SWT1: variants seen among roughly 807,000 people sequenced by gnomAD.
SWT1 encodes the protein SWT1 RNA endoribonuclease homolog.
Under a neutral mutation model 107.3 loss-of-function variants are expected in SWT1, and 33 were observed. That is an observed-to-expected ratio of 0.31 (90% CI 0.23 to 0.41). The LOEUF is 0.41. Among genes scored for constraint, SWT1 ranks in the 10% least tolerant of loss-of-function variants. The probability of loss-of-function intolerance (pLI) is 1.00; values close to 1 mark genes in which losing one functional copy is unlikely to be tolerated. For missense variants in SWT1, 898 were observed against 1,028.9 expected, an observed-to-expected ratio of 0.87 and a Z score of 1.74; for synonymous variants, 345 against 348.3, an observed-to-expected ratio of 0.99 and a Z score of 0.11.
chr1:185,224,786 C>G (rs1038803304), intron 15 of SWT1, among the ~76,000 whole-genome samples: 5 of 151,934 alleles, frequency 3.3e-5, no homozygotes, highest in Admixed American at 3.3e-4. Flanking sequence ...TATAGAAATG[C>G]TATTGACTTT....
chr1:185,179,912 A>G (rs922752586), intron 5 of SWT1, among the ~76,000 whole-genome samples: 2 of 152,208 alleles, frequency 1.3e-5, no homozygotes, highest in African/African-American at 4.8e-5. Flanking sequence ...TGGGGCTGGC[A>G]CTACGGCTCA....
intron 16 of SWT1, among the ~76,000 whole-genome samples, chr1:185,237,699 A>AAATAATAATAAT: frequency 6.6e-6 from 1 of 151,968 alleles, no homozygotes; most frequent in East Asian, 1.9e-4. Context: ...AAGTATAATA[A>AAATAATAATAAT]AATAATAATA....
chr1:185,211,463 C>T (rs1434975893), intron 13 of SWT1, among the ~76,000 whole-genome samples: 2 of 152,096 alleles, frequency 1.3e-5, no homozygotes, highest in Non-Finnish European at 2.9e-5. Flanking sequence ...CCTGTCATTG[C>T]CTTCAGTTGT....
intron 8 of SWT1, among the ~76,000 whole-genome samples, 174 bp downstream of exon 8, chr1:185,184,518 AACTC>A (rs767064684): frequency 6.6e-6 from 1 of 152,208 alleles, no homozygotes; most frequent in Non-Finnish European, 1.5e-5. Flanking sequence ...TAGCAATCTG[AACTC>A]ACTCTTTTTT....
At chr1:185,198,674 C>A (rs140890732) in intron 10 of SWT1, among the ~76,000 whole-genome samples, 27 of 151,880 alleles carry the variant, frequency 1.8e-4, no homozygotes, top group African/African-American at 6.5e-4. Context: ...GATTCTTTAC[C>A]GTTAAGTAGT....
At chr1:185,286,437 G>C (rs943533416) in intron 18 of SWT1, among the ~76,000 whole-genome samples, 31 of 152,094 alleles carry the variant, frequency 2.0e-4, no homozygotes, top group African/African-American at 7.0e-4. Flanking sequence ...TGTTGGCCAG[G>C]CTGGTCTCGA....
At chr1:185,237,571 A>G (rs1179460710) in intron 16 of SWT1, among the ~76,000 whole-genome samples, 1 of 152,106 alleles carries the variant, frequency 6.6e-6, no homozygotes, top group Non-Finnish European at 1.5e-5. Flanking sequence ...TAGGGGAGGG[A>G]TAGCATTAGG....
At chr1:185,164,107 C>T (rs931438482) in intron 2 of SWT1, among the ~76,000 whole-genome samples, 17 of 152,010 alleles carry the variant, frequency 1.1e-4, no homozygotes, top group Admixed American at 9.8e-4. Context: ...TCTCTTTGTA[C>T]ATCTCCATCA....
At chr1:185,268,964 T>G (rs1390474674) in intron 16 of SWT1, among the ~76,000 whole-genome samples, 1 of 150,954 alleles carries the variant, frequency 6.6e-6, no homozygotes, top group Non-Finnish European at 1.5e-5. Flanking sequence ...GCCATTCTCC[T>G]GCCTCAGCCT....
Position 185,290,992 on chromosome 1 carries a change from T to C in SWT1, c.*189T>C. Reference sequence around the variant, plus strand: ...AAAGCCTAATGTATCCACTGTGGAATAAACTCCATAGACTCAACTCTTCTG... The same window carrying C: ...AAAGCCTAATGTATCCACTGTGGAACAAACTCCATAGACTCAACTCTTCTG... On this transcript the variant is annotated 3_prime_UTR_variant, in exon 19 of 19. Coordinates refer to ENST00000367500, the MANE Select transcript of SWT1 (RefSeq NM_017673.7). 1 of 365,472 alleles carries C rather than the reference T, an allele frequency of 2.7e-6. No individual in the cohort carries two copies. Among genetic ancestry groups the C allele is most frequent in the Non-Finnish European group, 4.9e-6 (1 of 203,032 alleles). 22.6% of individuals were successfully genotyped at this position (365,472 alleles called of 1,614,324 possible). A position where few individuals can be genotyped will look rare whatever the true frequency, so the allele number is the denominator to read the frequency against.
At chr1:185,169,786 T>G (rs1265990266) in intron 4 of SWT1, among the ~76,000 whole-genome samples, 2 of 152,072 alleles carry the variant, frequency 1.3e-5, no homozygotes, top group Non-Finnish European at 2.9e-5. Flanking sequence ...ATTAATTTTT[T>G]TTTTTTTTTA....
chr1:185,277,280 G>T (rs978896556), intron 18 of SWT1, among the ~76,000 whole-genome samples: 6 of 150,978 alleles, frequency 4.0e-5, no homozygotes, highest in Non-Finnish European at 8.9e-5. Context: ...TTATTTATTT[G>T]TTTTTTTTTA....
At chr1:185,245,864 G>A (rs548750697) in intron 16 of SWT1, among the ~76,000 whole-genome samples, 1 of 152,052 alleles carries the variant, frequency 6.6e-6, no homozygotes, top group Non-Finnish European at 1.5e-5. Flanking sequence ...TGCCTCCCAG[G>A]TTGAAGTGAT....
chr1:185,167,439 A>G (rs959798536), intron 3 of SWT1, among the ~76,000 whole-genome samples: 23 of 152,240 alleles, frequency 1.5e-4, no homozygotes, highest in African/African-American at 5.5e-4. Flanking sequence ...GGATAGCTAC[A>G]TAGTTGTGGT....
intron 18 of SWT1, among the ~76,000 whole-genome samples, chr1:185,287,257 T>C (rs1269766884): frequency 6.6e-6 from 1 of 152,172 alleles, no homozygotes; most frequent in Non-Finnish European, 1.5e-5. Context: ...TGATAAAATT[T>C]CTAGTTATTT....
intron 10 of SWT1, among the ~76,000 whole-genome samples, chr1:185,201,705 G>C (rs926124176): frequency 1.3e-5 from 2 of 152,114 alleles, no homozygotes; most frequent in South Asian, 4.1e-4. Context: ...CTGCCATCTT[G>C]CCAGCTGCCA....
chr1:185,170,421 C>A (rs897140070), intron 4 of SWT1, among the ~76,000 whole-genome samples: 2 of 152,178 alleles, frequency 1.3e-5, no homozygotes, highest in Admixed American at 6.5e-5. Flanking sequence ...GACATTAAAT[C>A]CTGTCATGGC....
intron 5 of SWT1, among the ~76,000 whole-genome samples, chr1:185,175,752 C>T (rs910449545): frequency 7.2e-5 from 11 of 152,214 alleles, no homozygotes; most frequent in African/African-American, 1.9e-4. Flanking sequence ...GGAGAACACT[C>T]GGGACAATAT....
intron 14 of SWT1, among the ~76,000 whole-genome samples, chr1:185,220,690 T>C (rs1029636831): frequency 2.0e-5 from 3 of 152,178 alleles, no homozygotes; most frequent in Non-Finnish European, 4.4e-5. Flanking sequence ...AACAAACATA[T>C]TCTGTTCATC....
Sources: allele counts gnomAD v4.1 joint callset (sites outside exome capture counted in the v4.1 genomes callset), GRCh38; gene constraint gnomAD v4.1.1; transcripts MANE v1.5; gene names NCBI Gene and HGNC (gene_info 2026-07-23, HGNC 2026-07-21).